ZCCHC10: variants seen among roughly 807,000 people sequenced by gnomAD.
ZCCHC10 encodes the protein zinc finger CCHC-type containing 10, also known as zinc finger CCHC domain-containing protein 10.
ZCCHC10 carries 16 observed loss-of-function variants against 19.5 expected under a neutral mutation model. That is an observed-to-expected ratio of 0.82 (90% CI 0.56 to 1.25). The LOEUF (loss-of-function observed/expected upper bound fraction) is 1.25. Ranked by LOEUF, ZCCHC10 falls within the 50% of genes most tolerant of loss-of-function variation. ZCCHC10 has a pLI of 0.00. For synonymous variants in ZCCHC10, 67 were observed against 72.5 expected (o/e 0.92, Z 0.38); for missense variants, 197 against 201.0 (o/e 0.98, Z 0.12).
chr5:133,000,343 T>C (rs1216212472), intron 3 of ZCCHC10, 170 bp from the exon 4 acceptor site: 6 of 704,046 alleles, frequency 8.5e-6, no homozygotes, highest in Non-Finnish European at 1.4e-5. Context: ...AGTCTGCCAT[T>C]GTAGGCTGTA....
chr5:133,008,552 A>AAAT (rs1236276304), intron 2 of ZCCHC10, among the ~76,000 whole-genome samples: 1 of 151,596 alleles, frequency 6.6e-6, no homozygotes, highest in African/African-American at 2.4e-5. Context: ...AAAAAAAAAA[A>AAAT]AAATCAGAGA....
intron 2 of ZCCHC10, among the ~76,000 whole-genome samples, chr5:133,007,406 G>T (rs1467322986): frequency 6.6e-6 from 1 of 152,108 alleles, no homozygotes; most frequent in Non-Finnish European, 1.5e-5. Context: ...AGCCAAGCGT[G>T]GTGGTGGGCG....
intron 4 of ZCCHC10, 148 bp downstream of exon 4, chr5:132,999,984 G>A (rs1220836988): frequency 2.7e-6 from 2 of 739,870 alleles, no homozygotes; most frequent in Non-Finnish European, 4.3e-6. Context: ...CTGACCTCAG[G>A]TGATCCACCC....
intron 2 of ZCCHC10, among the ~76,000 whole-genome samples, chr5:133,008,823 G>A (rs748292674): frequency 3.3e-5 from 5 of 151,820 alleles, no homozygotes; most frequent in Admixed American, 6.6e-5. Flanking sequence ...ACTAGCCTGG[G>A]CAACATGGTG....
In ZCCHC10 at chr5:133,022,860, G is replaced by C. The variant is rs775994883; in HGVS notation, c.88C>G (p.Gln30Glu). 3.3e-6 allele frequency: 2 copies of C among 613,726 alleles called. No homozygotes were observed. Among genetic ancestry groups the C allele is most frequent in the East Asian group, 3.1e-5 (1 of 32,458 alleles). 38.0% of individuals were successfully genotyped at this position (613,726 alleles called of 1,614,324 possible). The change falls in exon 2 of 5, where the codon CAG (glutamine) becomes GAG (glutamate). Residue 30 changes from glutamine (Q) to glutamate (E), a missense_variant. By Grantham distance (29) the Gln-to-Glu change is conservative. Transcript: ENST00000509437. ...QPVKTFWILIQPSIVISEANK... is the reference protein window; with the variant it reads ...QPVKTFWILIEPSIVISEANK... ...GGATACCTAATAACGATGGATGGCT[G>C]AATCAGGATCCAAAAGGTCTTGACA...
rs34652763 is a variant in ZCCHC10 at position 133,019,951 on chromosome 5, C to CAA, written c.107+2888_107+2889dup. ...TGGGTGACACAGTGAGACTCCAGCT[C>CAA]AAAAAAAAAAAAAAAGAAAAGTACA... is the stretch of plus-strand genomic sequence containing the variant. On this transcript the variant is annotated intron_variant, in intron 2 of 4. Transcript: ENST00000509437. 3.9e-3 allele frequency among the ~76,000 whole-genome samples: 375 copies of CAA among 95,302 alleles called. 5 individuals carry two copies. The highest frequency in any genetic ancestry group is 0.02 in the East Asian group (71 of 3,534). The allele number at this position is 95,302 out of a possible 152,430, so 62.5% of individuals were successfully genotyped here.
At chr5:133,018,422 C>T (rs550849347) in intron 2 of ZCCHC10, among the ~76,000 whole-genome samples, 11 of 151,460 alleles carry the variant, frequency 7.3e-5, no homozygotes, top group Middle Eastern at 3.4e-3. Flanking sequence ...TTTTTTGAGA[C>T]GGAGTCTTCC....
At chr5:133,021,360 T>C (rs565603324) in intron 2 of ZCCHC10, among the ~76,000 whole-genome samples, 1 of 152,280 alleles carries the variant, frequency 6.6e-6, no homozygotes, top group East Asian at 1.9e-4. Context: ...AAAACACTAT[T>C]ACAATACTTA....
At chr5:133,018,486 G>A (rs138887576) in intron 2 of ZCCHC10, among the ~76,000 whole-genome samples, 1,675 of 151,778 alleles carry the variant, frequency 0.011, 15 homozygotes, top group South Asian at 0.014. Flanking sequence ...TGCAACCTCC[G>A]CCTCCCAGGT....
intron 3 of ZCCHC10, among the ~76,000 whole-genome samples, chr5:133,004,732 T>G (rs1176223537): frequency 7.0e-6 from 1 of 142,338 alleles, no homozygotes; most frequent in Non-Finnish European, 1.5e-5. Context: ...CCTCGTGATC[T>G]GCCTGCCTCG....
rs1043718668 is a variant in ZCCHC10 at position 133,003,420 on chromosome 5, C to T, written c.270-3247G>A. 32 of 225,658 alleles carry T rather than the reference C, an allele frequency of 1.4e-4. 1 individual carries two copies. Among genetic ancestry groups the T allele is most frequent in the South Asian group, 7.9e-4 (14 of 17,644 alleles). The allele number at this position is 225,658 out of a possible 1,614,324, so 14.0% of individuals were successfully genotyped here. ...GAATGAAGGTCTTCCAGAAGCCATCCGCACAATTTTCCACTTAACAGGAAA... is the reference window on the plus strand; with the variant it reads ...GAATGAAGGTCTTCCAGAAGCCATCTGCACAATTTTCCACTTAACAGGAAA... On this transcript the variant is annotated intron_variant, in intron 3 of 4. Coordinates refer to ENST00000509437, the MANE Select transcript of ZCCHC10 (RefSeq NM_001300816.3).
intron 2 of ZCCHC10, among the ~76,000 whole-genome samples, chr5:133,007,161 T>C (rs185716716): frequency 6.6e-6 from 1 of 152,080 alleles, no homozygotes; most frequent in Non-Finnish European, 1.5e-5. Context: ...AGAAACCTGG[T>C]GGGAGGTAAC....
intron 2 of ZCCHC10, among the ~76,000 whole-genome samples, chr5:133,017,104 C>T (rs965636986): frequency 1.9e-4 from 29 of 152,144 alleles, no homozygotes; most frequent in South Asian, 6.2e-4. Flanking sequence ...TAAACTGCCT[C>T]GTGTGGACAC....
chr5:133,026,372 A>G, intron 1 of ZCCHC10, 125 bp downstream of exon 1: 1 of 1,364,324 alleles, frequency 7.3e-7, no homozygotes, highest in Non-Finnish European at 1.0e-6. Context: ...GCCCCCCGGG[A>G]GCCAGAAGAG....
intron 2 of ZCCHC10, among the ~76,000 whole-genome samples, chr5:133,010,831 G>A (rs908791816): frequency 4.6e-5 from 7 of 151,490 alleles, no homozygotes; most frequent in Non-Finnish European, 1.5e-5. Flanking sequence ...TGCTCTTGTT[G>A]CCCAGGCTGG....
In ZCCHC10 at chr5:133,018,650, G is replaced by A. The variant is rs188484981; in HGVS notation, c.107+4191C>T. Reference sequence around the variant, plus strand: ...CTGACCTCAGGTGATCCTTGGCCTCGGCCCACCTTGGCCTCCCAAAGTGCT... The same window carrying A: ...CTGACCTCAGGTGATCCTTGGCCTCAGCCCACCTTGGCCTCCCAAAGTGCT... On this transcript the variant is annotated intron_variant, in intron 2 of 4. Transcript: ENST00000509437. 1.6e-3 allele frequency among the ~76,000 whole-genome samples: 245 copies of A among 152,114 alleles called. 1 individual carries two copies. Among genetic ancestry groups the A allele is most frequent in the Non-Finnish European group, 2.9e-3 (194 of 67,976 alleles).
At chr5:133,007,590 C>T (rs1264201443) in intron 2 of ZCCHC10, among the ~76,000 whole-genome samples, 3 of 151,582 alleles carry the variant, frequency 2.0e-5, no homozygotes, top group Non-Finnish European at 2.9e-5. Flanking sequence ...CCTGCACAGT[C>T]TCTCTCTCTT....
At chr5:133,013,261 G>GAAA (rs1184937706) in intron 2 of ZCCHC10, among the ~76,000 whole-genome samples, 4 of 88,784 alleles carry the variant, frequency 4.5e-5, no homozygotes, top group Admixed American at 1.4e-4. Context: ...CCATCTCCAA[G>GAAA]AAAAAAAAAA....
At chr5:133,003,035 G>A (rs1762873783) in intron 3 of ZCCHC10, 2 of 192,784 alleles carry the variant, frequency 1.0e-5, no homozygotes, top group African/African-American at 2.4e-5. Flanking sequence ...TTAAGAAACA[G>A]GGTCTTGGCA....
Sources: gnomAD v4.1 joint callset for allele counts (sites outside exome capture counted in the v4.1 genomes callset) on GRCh38, gnomAD v4.1.1 for gene constraint, MANE v1.5 for transcripts, NCBI Gene and HGNC (gene_info 2026-07-23, HGNC 2026-07-21) for gene names.